Variants in SCAPER observed in about 807,000 individuals in gnomAD.
The protein encoded by SCAPER is S phase cyclin A-associated protein in the endoplasmic reticulum.
In SCAPER, 98 loss-of-function variants were observed where a neutral mutation model predicts 182.2. That is an observed-to-expected ratio of 0.54 (90% confidence interval 0.46 to 0.64). The LOEUF (loss-of-function observed/expected upper bound fraction) is 0.64. Among genes scored for constraint, SCAPER ranks in the 30% least tolerant of loss-of-function variants. The pLI is 0.00. For synonymous variants in SCAPER, 605 were observed against 564.6 expected (o/e 1.07, Z -1.01); for missense variants, 1,432 against 1,690.0 (o/e 0.85, Z 2.68).
chr15:76,666,619 C>A (rs932441948), intron 20 of SCAPER, among the ~76,000 whole-genome samples: 1 of 152,138 alleles, frequency 6.6e-6, no homozygotes, highest in African/African-American at 2.4e-5. Context: ...CCTCAAGTGG[C>A]CTCTAGTATT....
chr15:76,793,777 A>T (rs62029176), intron 8 of SCAPER, among the ~76,000 whole-genome samples: 4 of 152,232 alleles, frequency 2.6e-5, no homozygotes, highest in Non-Finnish European at 5.9e-5. Context: ...AGGTAGTCGG[A>T]ATCCTGATTT....
chr15:76,637,722 TTATATATATA>T (rs369760680), intron 21 of SCAPER, among the ~76,000 whole-genome samples: 2 of 77,848 alleles, frequency 2.6e-5, no homozygotes, highest in African/African-American at 9.5e-5. Flanking sequence ...ATATATGTGA[TTATATATATA>T]TATATATATA....
chr15:76,857,819 G>T lies in SCAPER; in HGVS notation c.185C>A (p.Thr62Asn). 6.5e-7 allele frequency: 1 copy of T among 1,541,760 alleles called. No homozygotes were observed. The part of the protein sequence containing the change: ...SKRTIQGTHK[T>N]TKQSTAVDCK... Reference sequence around the variant, plus strand: ...TTATAGATGCTGTACCTGTTTAGTAGTTTTATGAGTGCCTTGAATGGTCCT... The same window carrying T: ...TTATAGATGCTGTACCTGTTTAGTATTTTTATGAGTGCCTTGAATGGTCCT... Residue 62 changes from threonine to asparagine, a missense_variant, in exon 4 of 32, where the codon ACT becomes AAT. By Grantham distance (65) the Thr-to-Asn change is moderately conservative. Around this residue, in one of 5 missense-constraint regions of SCAPER, gnomAD observed 480 missense variants for 510.2 expected, o/e 0.94. Coordinates refer to ENST00000563290, the MANE Select transcript of SCAPER (RefSeq NM_020843.4).
chr15:76,520,774 T>A (rs980073575), intron 23 of SCAPER, among the ~76,000 whole-genome samples: 4 of 152,206 alleles, frequency 2.6e-5, no homozygotes, highest in Non-Finnish European at 5.9e-5. Flanking sequence ...ATTATATAAA[T>A]AGTAAGTGCT....
At chr15:76,689,102 C>A (rs1463982862) in intron 20 of SCAPER, among the ~76,000 whole-genome samples, 3 of 152,004 alleles carry the variant, frequency 2.0e-5, no homozygotes, top group Admixed American at 6.6e-5. Context: ...CCCGCCTCAG[C>A]CTTTCAAAGT....
chr15:76,883,981 C>CA (rs1027588097), intron 1 of SCAPER, 105 bp from the exon 2 acceptor site: 62 of 582,394 alleles, frequency 1.1e-4, no homozygotes, highest in East Asian at 2.8e-4. Context: ...TAAACAACAA[C>CA]AAAAAAAACT....
intron 24 of SCAPER, among the ~76,000 whole-genome samples, chr15:76,487,366 G>T (rs1479838498): frequency 6.6e-6 from 1 of 150,820 alleles, no homozygotes; most frequent in Non-Finnish European, 1.5e-5. Flanking sequence ...CAGGGGTTGG[G>T]TGGGTGGGGA....
intron 4 of SCAPER, among the ~76,000 whole-genome samples, chr15:76,857,109 C>T (rs2071451827): frequency 6.6e-6 from 1 of 152,062 alleles, no homozygotes; most frequent in East Asian, 1.9e-4. Context: ...GAAGGCATAG[C>T]AGAGGAGCTA....
chr15:76,884,112 T>C (rs867828930), intron 1 of SCAPER, among the ~76,000 whole-genome samples: 2 of 152,206 alleles, frequency 1.3e-5, no homozygotes, highest in African/African-American at 2.4e-5. Context: ...ATTAATTACA[T>C]GGACATCCTA....
intron 25 of SCAPER, among the ~76,000 whole-genome samples, chr15:76,441,029 C>T (rs945880329): frequency 6.9e-6 from 1 of 145,782 alleles, no homozygotes; most frequent in Non-Finnish European, 1.5e-5. Flanking sequence ...TCACGCCATT[C>T]TCCCACCTCA....
At chr15:76,587,043 T>C (rs1456608314) in intron 22 of SCAPER, among the ~76,000 whole-genome samples, 4 of 152,116 alleles carry the variant, frequency 2.6e-5, no homozygotes, top group South Asian at 2.1e-4. Flanking sequence ...AGGAGGGTTG[T>C]ATCTTTTCAG....
intron 8 of SCAPER, among the ~76,000 whole-genome samples, chr15:76,794,380 T>G (rs1453892210): frequency 2.0e-5 from 3 of 152,238 alleles, no homozygotes; most frequent in Non-Finnish European, 4.4e-5. Context: ...AACTACGTTT[T>G]CTGATTGTGT....
intron 14 of SCAPER, among the ~76,000 whole-genome samples, chr15:76,754,706 T>C (rs2062307444): frequency 2.6e-3 from 1 of 378 alleles, no homozygotes; most frequent in Non-Finnish European, 0.015. Context: ...TTTTAATTGT[T>C]TTTTTCTCTC....
chr15:76,755,029 G>A (rs1488713336), intron 14 of SCAPER, among the ~76,000 whole-genome samples: 2 of 152,092 alleles, frequency 1.3e-5, no homozygotes, highest in Non-Finnish European at 2.9e-5. Context: ...CTACATTGAT[G>A]AGAAAATAAC....
Position 76,367,102 on chromosome 15 carries a change from C to T in SCAPER, c.3855+9060G>A, listed in dbSNP as rs181302826. Among the ~76,000 whole-genome samples, 150 of 152,326 alleles carry T rather than the reference C, an allele frequency of 9.8e-4. 4 individuals carry two copies. The highest frequency in any genetic ancestry group is 2.2e-4 in the Non-Finnish European group (15 of 68,034). ...CATCTTATAATTATCTATTCTTCCT[C>T]TATCAGAGCTGAAAGGCTTCTTCAG... is the stretch of plus-strand genomic sequence containing the variant. On this transcript the variant is annotated intron_variant, in intron 29 of 31. Coordinates refer to ENST00000563290, the MANE Select transcript of SCAPER (RefSeq NM_020843.4).
chr15:76,495,985 AAGAG>A (rs56909440), intron 24 of SCAPER, among the ~76,000 whole-genome samples: 4,222 of 44,112 alleles, frequency 0.096, 119 homozygotes, highest in East Asian at 0.21. Flanking sequence ...AAGAAAGCAA[AAGAG>A]AGAGACACAC....
At chr15:76,775,147 G>C in intron 8 of SCAPER, 30 bp from the exon 9 acceptor site, 2 of 1,531,476 alleles carry the variant, frequency 1.3e-6, no homozygotes, top group Non-Finnish European at 1.8e-6. Context: ...AACAAATCAA[G>C]ATTTATTTAG....
chr15:76,516,383 C>T (rs567641326), intron 23 of SCAPER, among the ~76,000 whole-genome samples: 5 of 150,594 alleles, frequency 3.3e-5, no homozygotes, highest in African/African-American at 7.3e-5. Context: ...ACCCCACCCC[C>T]GCAACTGGCC....
chr15:76,404,514 G>T lies in SCAPER; in HGVS notation c.3467+10C>A. 6.3e-7 allele frequency: 1 copy of T among 1,591,120 alleles called. No homozygotes were observed. On this transcript the variant is annotated intron_variant, in intron 27 of 31. Coordinates refer to ENST00000563290, the MANE Select transcript of SCAPER (RefSeq NM_020843.4). ...GTTGAGTCTAGATTGAGATCAAGTA[G>T]ATGCCTTACCTTCCAGTGACAGCAA...
Sources: gnomAD v4.1 joint callset for allele counts (sites outside exome capture counted in the v4.1 genomes callset) on GRCh38, gnomAD v4.1.1 for gene constraint, gnomAD v4.1.1 regional missense constraint, MANE v1.5 for transcripts, NCBI Gene and HGNC (gene_info 2026-07-23, HGNC 2026-07-21) for gene names.